DYNAP: variants seen among roughly 807,000 people sequenced by gnomAD.
DYNAP encodes dynactin associated protein.
In DYNAP, 7 loss-of-function variants were observed where a neutral mutation model predicts 8.5. That is an observed-to-expected ratio of 0.82 (90% CI 0.47 to 1.54). The LOEUF (loss-of-function observed/expected upper bound fraction) is 1.54, where lower values mean the gene tolerates loss of function less well. DYNAP is among the 40% of genes most tolerant of loss of function. DYNAP has a pLI of 0.01. For synonymous variants in DYNAP, 77 were observed against 77.9 expected (o/e 0.99, Z 0.06); for missense variants, 256 against 224.3 (o/e 1.14, Z -0.90).
chr18:54,593,538 G>T, intron 1 of DYNAP, among the ~76,000 whole-genome samples: 1 of 152,118 alleles, frequency 6.6e-6, no homozygotes, highest in East Asian at 1.9e-4. Flanking sequence ...GATAGGAGTG[G>T]CCAAAGATAA....
intron 2 of DYNAP, 97 bp downstream of exon 2, chr18:54,595,200 T>A: frequency 7.6e-7 from 1 of 1,318,482 alleles, no homozygotes; most frequent in Non-Finnish European, 1.0e-6. Context: ...CTTAATTACT[T>A]AATTCATTTA....
chr18:54,591,076 C>T, upstream of DYNAP: 1 of 920,808 alleles, frequency 1.1e-6, no homozygotes, highest in Non-Finnish European at 1.5e-6. Context: ...TTTCTTGCGT[C>T]TTTCTGCAGT....
rs773225731 is a variant in DYNAP, at chr18:54,595,112, T to C, written c.222+9T>C. 1.9e-6 allele frequency: 3 copies of C among 1,606,460 alleles called. No individual in the cohort carries two copies. The highest frequency in any genetic ancestry group is 4.5e-5 in the East Asian group (2 of 44,734). On this transcript the variant is annotated intron_variant, in intron 2 of 2. Transcript: ENST00000648945. ...AATCCTGTAACACACAGGTAATGTG[T>C]AGCACGGGAGCTTTTATTCAAGTTG...
chr18:54,597,890 A>G lies in DYNAP; in HGVS notation c.300A>G (p.Thr100=), dbSNP rs769411960. The G allele has an allele frequency of 4.3e-6, 7 of 1,613,634 alleles. No homozygotes were observed. The South Asian group carries it at 7.7e-5, about 18-fold the overall frequency. The stretch of plus-strand genomic sequence containing the variant: ...GTCTCTTAGCCTGTGTGATAATGAC[A>G]GCAATTGGAGTACTTATAATATGCT... ...LACLLACVIM[T]AIGVLIICLV... Residue 100 remains threonine (T), a synonymous_variant, in exon 3 of 3, where the codon ACA becomes ACG. Coordinates refer to ENST00000648945, the MANE Select transcript of DYNAP (RefSeq NM_173629.3).
chr18:54,589,673 C>T (rs546690409), upstream of DYNAP, among the ~76,000 whole-genome samples: 118 of 152,216 alleles, frequency 7.8e-4, no homozygotes, highest in African/African-American at 2.6e-3. Flanking sequence ...CTCTTTATGC[C>T]ATTGATGTAA....
At chr18:54,595,151 A>G (rs749651814) in intron 2 of DYNAP, 48 bp downstream of exon 2, 34 of 1,555,732 alleles carry the variant, frequency 2.2e-5, no homozygotes, top group Middle Eastern at 1.7e-4. Flanking sequence ...TGTGCTCTAT[A>G]TGGGCATGTA....
chr18:54,580,672 C>CCATA, the DYNAP span, among the ~76,000 whole-genome samples: 1 of 152,160 alleles, frequency 6.6e-6, no homozygotes, highest in African/African-American at 2.4e-5. Context: ...TCCATAGCTA[C>CCATA]TCGTAAGATA....
chr18:54,589,228 G>A (rs1169500710), upstream of DYNAP, among the ~76,000 whole-genome samples: 1 of 152,062 alleles, frequency 6.6e-6, no homozygotes, highest in African/African-American at 2.4e-5. Flanking sequence ...GCCTTAGAGT[G>A]GAAAAAATGG....
upstream of DYNAP, chr18:54,587,906 T>G (rs976728205): frequency 2.5e-6 from 1 of 400,636 alleles, no homozygotes; most frequent in Non-Finnish European, 4.4e-6. Context: ...CAAACACAGG[T>G]GAATTATACA....
intron 1 of DYNAP, among the ~76,000 whole-genome samples, chr18:54,592,356 A>G (rs1911112984): frequency 6.6e-6 from 1 of 152,124 alleles, no homozygotes; most frequent in African/African-American, 2.4e-5. Context: ...ATGTTTACAA[A>G]TATTAGCTTA....
chr18:54,588,914 A>G (rs964721264), upstream of DYNAP, among the ~76,000 whole-genome samples: 2 of 152,142 alleles, frequency 1.3e-5, no homozygotes, highest in Non-Finnish European at 2.9e-5. Flanking sequence ...TTTCACAAGG[A>G]TCTTTCATGC....
chr18:54,596,453 C>A (rs1911292429), intron 2 of DYNAP, among the ~76,000 whole-genome samples: 1 of 152,118 alleles, frequency 6.6e-6, no homozygotes, highest in Non-Finnish European at 1.5e-5. Flanking sequence ...GAGCCCCACC[C>A]CAGACTAATT....
At chr18:54,585,267 A>G (rs1280455377), upstream of DYNAP, among the ~76,000 whole-genome samples, 1 of 152,142 alleles carries the variant, frequency 6.6e-6, no homozygotes, top group Non-Finnish European at 1.5e-5. Context: ...TGAGGCCATA[A>G]AACTAGTTAT....
At chr18:54,597,543 C>T (rs1911347536) in intron 2 of DYNAP, among the ~76,000 whole-genome samples, 1 of 151,994 alleles carries the variant, frequency 6.6e-6, no homozygotes, top group Admixed American at 6.6e-5. Context: ...CCTAAAACTG[C>T]TCTGAAAATA....
rs1462576647 is a variant in DYNAP, at chr18:54,599,437, T to C, written c.*1292T>C. The stretch of plus-strand genomic sequence containing the variant: ...CCCAAAATTGAAATTGTACAATATG[T>C]GAGTCTAATTCTTGCTAACATAACA... On this transcript the variant is annotated 3_prime_UTR_variant, in exon 3 of 3. Coordinates refer to ENST00000648945, the MANE Select transcript of DYNAP (RefSeq NM_173629.3). 1 of 152,082 alleles carries C rather than the reference T, an allele frequency of 6.6e-6. No individual in the cohort carries two copies. The highest frequency in any genetic ancestry group is 1.5e-5 in the Non-Finnish European group (1 of 67,984). The allele number at this position is 152,082 out of a possible 1,614,324, so 9.4% of individuals were successfully genotyped here. A position where few individuals can be genotyped will look rare whatever the true frequency, so the allele number is the denominator to read the frequency against.
At chr18:54,587,986 A>G (rs1910939307), upstream of DYNAP, 1 of 394,884 alleles carries the variant, frequency 2.5e-6, no homozygotes, top group Non-Finnish European at 4.5e-6. Flanking sequence ...CCTTTCTCTA[A>G]TTCCAACATA....
At chr18:54,585,909 T>C (rs1445404642), upstream of DYNAP, among the ~76,000 whole-genome samples, 4 of 152,138 alleles carry the variant, frequency 2.6e-5, no homozygotes, top group Non-Finnish European at 5.9e-5. Flanking sequence ...TGAGACTGCT[T>C]GGTTTGCACT....
chr18:54,595,054 G>C lies in DYNAP; in HGVS notation c.173G>C (p.Gly58Ala), dbSNP rs764221865. ...PNLTGVCVNP[G>A]ILAHSRCLQS... ...TTAACTGGGGTCTGCGTGAACCCAG[G>C]AATCCTTGCACATTCAAGATGTCTA... The change falls in exon 2 of 3, where the codon GGA (glycine) becomes GCA (alanine). Residue 58 changes from glycine (G) to alanine (A), a missense_variant. Transcript: ENST00000648945. The C allele has an allele frequency of 1.2e-6, 2 of 1,612,644 alleles. No homozygotes were observed. Among genetic ancestry groups the C allele is most frequent in the South Asian group, 2.2e-5 (2 of 90,998 alleles).
At chr18:54,593,823 C>T (rs1260128527) in intron 1 of DYNAP, among the ~76,000 whole-genome samples, 1 of 152,092 alleles carries the variant, frequency 6.6e-6, no homozygotes, top group Non-Finnish European at 1.5e-5. Context: ...TCATTGGCTA[C>T]TCAGAAGGCT....
Sources: allele counts gnomAD v4.1 joint callset (sites outside exome capture counted in the v4.1 genomes callset), GRCh38; gene constraint gnomAD v4.1.1; transcripts MANE v1.5; gene names NCBI Gene and HGNC (gene_info 2026-07-23, HGNC 2026-07-21).